Variants in NECAB1 observed in about 807,000 individuals in gnomAD.
NECAB1 encodes N-terminal EF-hand calcium-binding protein 1.
Under a neutral mutation model 57.5 loss-of-function variants are expected in NECAB1, and 29 were observed. The ratio of observed to expected loss-of-function variants is 0.50; its 90% CI spans 0.38 to 0.69. The LOEUF is 0.69. NECAB1 is among the 30% of genes least tolerant of loss of function. The probability of loss-of-function intolerance (pLI) is 0.00; values close to 1 mark genes in which losing one functional copy is unlikely to be tolerated. For missense variants in NECAB1, 372 were observed against 413.8 expected, an observed-to-expected ratio of 0.90 and a Z score of 0.88; for synonymous variants, 142 against 147.7, an observed-to-expected ratio of 0.96 and a Z score of 0.28.
At chr8:90,912,548 A>G (rs1393736855) in intron 5 of NECAB1, among the ~76,000 whole-genome samples, 1 of 152,242 alleles carries the variant, frequency 6.6e-6, no homozygotes, top group Non-Finnish European at 1.5e-5. Flanking sequence ...CTGAGAATCT[A>G]TCATTTCCTT....
chr8:90,905,861 C>T (rs1809628754), intron 5 of NECAB1, among the ~76,000 whole-genome samples: 2 of 152,146 alleles, frequency 1.3e-5, no homozygotes, highest in Admixed American at 1.3e-4. Flanking sequence ...TATTCTTCAT[C>T]TGTATCTAAT....
At chr8:90,896,301 C>A (rs1046135655) in intron 5 of NECAB1, among the ~76,000 whole-genome samples, 2 of 152,146 alleles carry the variant, frequency 1.3e-5, no homozygotes, top group African/African-American at 2.4e-5. Context: ...TTCTAAATTT[C>A]TTTTCAAAGA....
Position 90,859,031 on chromosome 8 carries a change from C to T in NECAB1, c.234-13097C>T, listed in dbSNP as rs1812847214. On this transcript the variant is annotated intron_variant, in intron 3 of 12. Transcript: ENST00000417640. ...TCCCCAAATTGAGGAGTAGCTCCCA[C>T]TGTCTAGTACCCATAAAAGACACTC... is the stretch of plus-strand genomic sequence containing the variant. 2.6e-5 allele frequency: 4 copies of T among 152,156 alleles called. No homozygotes were observed. The South Asian group carries it at 6.2e-4, about 24-fold the overall frequency. 9.4% of individuals were successfully genotyped at this position (152,156 alleles called of 1,614,324 possible).
intron 5 of NECAB1, among the ~76,000 whole-genome samples, chr8:90,909,169 AGTT>A (rs1809767407): frequency 6.6e-6 from 1 of 152,058 alleles, no homozygotes; most frequent in Non-Finnish European, 1.5e-5. Flanking sequence ...CACATCTTTT[AGTT>A]GTTTTTATTT....
At chr8:90,806,493 TATTA>T (rs1351878924) in intron 2 of NECAB1, 1 of 152,264 alleles carries the variant, frequency 6.6e-6, no homozygotes, top group African/African-American at 2.4e-5. Flanking sequence ...ATCTGTTGTT[TATTA>T]ATTAATAATG....
At chr8:90,935,507 G>A (rs1810515577) in intron 9 of NECAB1, among the ~76,000 whole-genome samples, 1 of 152,122 alleles carries the variant, frequency 6.6e-6, no homozygotes, top group South Asian at 2.1e-4. Context: ...GGAGAGGGGT[G>A]TTGAGCACAT....
intron 6 of NECAB1, among the ~76,000 whole-genome samples, chr8:90,921,833 G>A (rs1810121396): frequency 6.6e-6 from 1 of 152,156 alleles, no homozygotes; most frequent in East Asian, 1.9e-4. Flanking sequence ...GCAAATTTAG[G>A]GAAGTCATCT....
chr8:90,871,136 G>A (rs947591726), intron 3 of NECAB1, among the ~76,000 whole-genome samples: 2 of 152,128 alleles, frequency 1.3e-5, no homozygotes, highest in African/African-American at 2.4e-5. Flanking sequence ...TATTTACATT[G>A]AGCATTGACA....
chr8:90,881,042 C>G lies in NECAB1; in HGVS notation c.269C>G (p.Ser90Cys), dbSNP rs1341043110. ...TATTTTCATTTTTCAGAATATTTTT[C>G]TCAGCACTTGGGCGAGTATGAGAAT... ...LDTEELCEYF[S>C]QHLGEYENVL... Residue 90 changes from serine to cysteine, a missense_variant, in exon 5 of 13, where the codon TCT becomes TGT. Physicochemically the swap from Ser to Cys is moderately radical, Grantham distance 112. Transcript: ENST00000417640. 8 of 1,592,474 alleles carry G rather than the reference C, an allele frequency of 5.0e-6. 1 individual carries two copies. The South Asian group carries it at 9.4e-5, about 19-fold the overall frequency.
At chr8:90,849,478 A>G (rs972583137) in intron 3 of NECAB1, among the ~76,000 whole-genome samples, 37 of 120,282 alleles carry the variant, frequency 3.1e-4, no homozygotes, top group Non-Finnish European at 9.8e-5. Flanking sequence ...CAAAAAAGAA[A>G]AATGCTTTTT....
intron 2 of NECAB1, among the ~76,000 whole-genome samples, chr8:90,807,478 G>T (rs530665304): frequency 6.6e-6 from 1 of 152,008 alleles, no homozygotes; most frequent in South Asian, 2.1e-4. Context: ...TCAGAGTCCC[G>T]CAGAGCTCTG....
chr8:90,921,243 C>T (rs543382490), intron 6 of NECAB1, among the ~76,000 whole-genome samples: 11 of 152,292 alleles, frequency 7.2e-5, no homozygotes, highest in Admixed American at 7.2e-4. Flanking sequence ...ACGCGAACTC[C>T]TGACCTCAGG....
chr8:90,840,543 G>C (rs1473586500), intron 3 of NECAB1, among the ~76,000 whole-genome samples: 2 of 152,224 alleles, frequency 1.3e-5, no homozygotes, highest in East Asian at 3.8e-4. Flanking sequence ...TGTTTCTGAA[G>C]GCCCTGGCCG....
chr8:90,828,275 T>C (rs1237841709), intron 3 of NECAB1, among the ~76,000 whole-genome samples: 1 of 151,954 alleles, frequency 6.6e-6, no homozygotes, highest in Non-Finnish European at 1.5e-5. Flanking sequence ...TCTGCAAAGA[T>C]TTTTGTATAT....
chr8:90,917,866 A>ATG (rs1310484254), intron 6 of NECAB1, among the ~76,000 whole-genome samples: 75 of 72,782 alleles, frequency 1.0e-3, no homozygotes, highest in African/African-American at 6.7e-3. Flanking sequence ...ATATATATAT[A>ATG]TATATGTGTG....
intron 2 of NECAB1, among the ~76,000 whole-genome samples, chr8:90,808,750 G>C (rs761387939): frequency 4.8e-4 from 69 of 144,460 alleles, no homozygotes; most frequent in Non-Finnish European, 8.9e-4. Flanking sequence ...GGTTCAAGCA[G>C]TTCTCCTGCC....
chr8:90,957,852 A>G lies in NECAB1; in HGVS notation c.*2340A>G, dbSNP rs1811060493. Reference sequence around the variant, plus strand: ...AAATAAAAAAAAATTTAAAAAATTAAAAAATAAAAAAAAGAGGTCACTAAA... The same window carrying G: ...AAATAAAAAAAAATTTAAAAAATTAGAAAATAAAAAAAAGAGGTCACTAAA... On this transcript the variant is annotated 3_prime_UTR_variant, in exon 13 of 13. Coordinates refer to ENST00000417640, the MANE Select transcript of NECAB1 (RefSeq NM_022351.5). 6.6e-6 allele frequency: 1 copy of G among 150,808 alleles called. No individual in the cohort carries two copies. Among genetic ancestry groups the G allele is most frequent in the Admixed American group, 6.6e-5 (1 of 15,118 alleles). 9.3% of individuals were successfully genotyped at this position (150,808 alleles called of 1,614,324 possible). A position where few individuals can be genotyped will look rare whatever the true frequency, so the allele number is the denominator to read the frequency against.
At chr8:90,848,593 G>A (rs575709771) in intron 3 of NECAB1, among the ~76,000 whole-genome samples, 1 of 152,182 alleles carries the variant, frequency 6.6e-6, no homozygotes, top group African/African-American at 2.4e-5. Flanking sequence ...CATGGTTAGG[G>A]AGGCCTCACA....
chr8:90,839,426 G>T (rs1812420867), intron 3 of NECAB1, among the ~76,000 whole-genome samples: 1 of 152,192 alleles, frequency 6.6e-6, no homozygotes, highest in Admixed American at 6.5e-5. Context: ...TATTGTACCA[G>T]CTACTAGGAA....
Sources: gnomAD v4.1 joint callset for allele counts (sites outside exome capture counted in the v4.1 genomes callset) on GRCh38, gnomAD v4.1.1 for gene constraint, MANE v1.5 for transcripts, NCBI Gene and HGNC (gene_info 2026-07-23, HGNC 2026-07-21) for gene names.